Variants in GPC6 observed in about 807,000 individuals in gnomAD.
The protein encoded by GPC6 is glypican-6.
A neutral mutation model predicts 55.2 loss-of-function variants in GPC6; 14 were observed. The ratio of observed to expected loss-of-function variants is 0.25; its 90% CI spans 0.17 to 0.40. The LOEUF (loss-of-function observed/expected upper bound fraction) is 0.40, where lower values mean the gene tolerates loss of function less well. Among genes scored for constraint, GPC6 ranks in the 10% least tolerant of loss-of-function variants. The pLI, the probability that GPC6 is intolerant of heterozygous loss-of-function variation, is 1.00. For synonymous variants in GPC6, 278 were observed against 259.6 expected (o/e 1.07, Z -0.68); for missense variants, 641 against 708.5 (o/e 0.90, Z 1.08).
At chr13:93,428,122 G>A (rs551249727) in intron 1 of GPC6, among the ~76,000 whole-genome samples, 1 of 152,062 alleles carries the variant, frequency 6.6e-6, no homozygotes, top group Non-Finnish European at 1.5e-5. Flanking sequence ...TTATTAAATT[G>A]AGGGCCCAAT....
At chr13:93,349,283 C>T (rs896493757) in intron 1 of GPC6, among the ~76,000 whole-genome samples, 2 of 151,764 alleles carry the variant, frequency 1.3e-5, no homozygotes, top group Non-Finnish European at 2.9e-5. Context: ...GTAAAAGTAA[C>T]TAAGTTGTAT....
intron 1 of GPC6, among the ~76,000 whole-genome samples, chr13:93,364,653 G>T (rs572166187): frequency 1.3e-5 from 2 of 150,990 alleles, no homozygotes; most frequent in Non-Finnish European, 3.0e-5. Flanking sequence ...TCTCCTTGTA[G>T]TGGGGTCAGG....
At chr13:93,896,643 A>AT in intron 3 of GPC6, among the ~76,000 whole-genome samples, 1 of 152,222 alleles carries the variant, frequency 6.6e-6, no homozygotes, top group South Asian at 2.1e-4. Context: ...TTTAAGTTGA[A>AT]TTTTAAATAA....
intron 6 of GPC6, among the ~76,000 whole-genome samples, chr13:94,346,302 G>A (rs1878285722): frequency 1.3e-5 from 2 of 152,178 alleles, no homozygotes; most frequent in African/African-American, 4.8e-5. Context: ...GAGGATGGGG[G>A]GAGTGTGAGT....
At chr13:93,844,784 C>T (rs1227066722) in intron 3 of GPC6, among the ~76,000 whole-genome samples, 4 of 146,280 alleles carry the variant, frequency 2.7e-5, no homozygotes, top group Non-Finnish European at 4.5e-5. Flanking sequence ...TTAGGTCTAA[C>T]GTTTAAATCT....
intron 3 of GPC6, among the ~76,000 whole-genome samples, chr13:93,952,807 A>G (rs1193699268): frequency 1.3e-5 from 2 of 148,478 alleles, no homozygotes; most frequent in Admixed American, 6.8e-5. Flanking sequence ...AGATATAGGT[A>G]TACACACACA....
intron 1 of GPC6, among the ~76,000 whole-genome samples, chr13:93,360,864 G>A (rs758750684): frequency 1.6e-4 from 25 of 152,112 alleles, no homozygotes; most frequent in Non-Finnish European, 2.8e-4. Context: ...GGCAGACTTA[G>A]AGGCTTCTAG....
At chr13:93,671,662 G>T (rs1046583980) in intron 2 of GPC6, among the ~76,000 whole-genome samples, 2 of 151,856 alleles carry the variant, frequency 1.3e-5, no homozygotes, top group Admixed American at 6.6e-5. Context: ...CCTAAGGATG[G>T]CCCACAGCCC....
chr13:93,527,439 C>T (rs759398380), intron 1 of GPC6, among the ~76,000 whole-genome samples: 1 of 152,016 alleles, frequency 6.6e-6, no homozygotes, highest in Admixed American at 6.6e-5. Flanking sequence ...CTTTGTTTCT[C>T]CCTCTTCAGA....
At chr13:93,556,160 T>C (rs921116541) in intron 2 of GPC6, among the ~76,000 whole-genome samples, 8 of 152,112 alleles carry the variant, frequency 5.3e-5, no homozygotes, top group Non-Finnish European at 1.2e-4. Flanking sequence ...TGCAGATGTA[T>C]ACTGTGGATT....
chr13:94,381,117 T>C (rs548960581), intron 6 of GPC6, among the ~76,000 whole-genome samples: 4 of 152,218 alleles, frequency 2.6e-5, no homozygotes, highest in Admixed American at 2.0e-4. Context: ...GTTTCCACAC[T>C]GTAAAATTAC....
chr13:93,689,256 G>T (rs927488637), intron 2 of GPC6, among the ~76,000 whole-genome samples: 9 of 152,162 alleles, frequency 5.9e-5, no homozygotes, highest in African/African-American at 2.2e-4. Context: ...CTTGCTGAAG[G>T]ATGCCATTGC....
intron 4 of GPC6, among the ~76,000 whole-genome samples, chr13:94,115,233 T>C (rs1469371424): frequency 1.3e-5 from 2 of 152,104 alleles, no homozygotes; most frequent in Non-Finnish European, 2.9e-5. Flanking sequence ...TACAGTCATG[T>C]GGCTGCAAAT....
At chr13:93,750,927 CA>C (rs1266022318) in intron 2 of GPC6, among the ~76,000 whole-genome samples, 5 of 152,112 alleles carry the variant, frequency 3.3e-5, no homozygotes, top group Admixed American at 3.3e-4. Context: ...TCCAGATGTC[CA>C]GGGGAATCCG....
intron 2 of GPC6, among the ~76,000 whole-genome samples, chr13:93,674,766 G>A (rs1594361832): frequency 6.6e-6 from 1 of 152,148 alleles, no homozygotes; most frequent in Admixed American, 6.6e-5. Context: ...TTATCAAGGT[G>A]TTTTAGCTGT....
chr13:93,283,847 T>C (rs1878028554), intron 1 of GPC6, among the ~76,000 whole-genome samples: 1 of 152,228 alleles, frequency 6.6e-6, no homozygotes, highest in African/African-American at 2.4e-5. Context: ...TAATATTTAA[T>C]TGGCATTCCT....
intron 3 of GPC6, among the ~76,000 whole-genome samples, chr13:93,880,554 G>A (rs1165584146): frequency 6.6e-6 from 1 of 152,030 alleles, no homozygotes; most frequent in African/African-American, 2.4e-5. Flanking sequence ...TCACGCTCTG[G>A]GGACTGTTGT....
intron 2 of GPC6, among the ~76,000 whole-genome samples, chr13:93,605,982 A>G (rs1343322356): frequency 6.6e-6 from 1 of 152,144 alleles, no homozygotes; most frequent in East Asian, 1.9e-4. Context: ...GTTAAGAAGG[A>G]CAGCTATATC....
At chr13:93,251,523 C>T (rs1336700741) in intron 1 of GPC6, among the ~76,000 whole-genome samples, 1 of 152,200 alleles carries the variant, frequency 6.6e-6, no homozygotes, top group African/African-American at 2.4e-5. Flanking sequence ...TTTTTATTTA[C>T]ATAGGAATCT....
Sources: allele counts gnomAD v4.1 joint callset (sites outside exome capture counted in the v4.1 genomes callset), GRCh38; gene constraint gnomAD v4.1.1; transcripts MANE v1.5; gene names NCBI Gene and HGNC (gene_info 2026-07-23, HGNC 2026-07-21).